Variants in EYS observed in about 807,000 individuals in gnomAD.
EYS encodes protein eyes shut homolog.
In EYS, 250 loss-of-function variants were observed where a neutral mutation model predicts 282.1. The ratio of observed to expected loss-of-function variants is 0.89; its 90% CI spans 0.80 to 0.98. The LOEUF (loss-of-function observed/expected upper bound fraction) is 0.98, where lower values mean the gene tolerates loss of function less well. Ranked by LOEUF, EYS falls within the 50% of genes least tolerant of loss-of-function variation. The probability of loss-of-function intolerance (pLI) is 0.00; values close to 1 mark genes in which losing one functional copy is unlikely to be tolerated. For missense variants in EYS, 4,016 were observed against 3,709.0 expected, an observed-to-expected ratio of 1.08 and a Z score of -2.15; for synonymous variants, 1,355 against 1,282.9, an observed-to-expected ratio of 1.06 and a Z score of -1.20.
chr6:65,679,069 C>T lies in EYS; in HGVS notation c.-448+28066G>A, dbSNP rs538054239. On this transcript the variant is annotated intron_variant, in intron 1 of 42. Transcript: ENST00000503581. ...TCCCCTCTTGGTGTTACTGTAAAATCGTGCTGGGGCTATAAGAAATAGTGT... is the reference window on the plus strand; with the variant it reads ...TCCCCTCTTGGTGTTACTGTAAAATTGTGCTGGGGCTATAAGAAATAGTGT... Among the ~76,000 whole-genome samples, 6 of 151,952 alleles carry T rather than the reference C, an allele frequency of 3.9e-5. No homozygotes were observed. In the South Asian group the frequency reaches 1.2e-3, roughly 32 times the overall value.
intron 12 of EYS, among the ~76,000 whole-genome samples, chr6:65,282,733 CAT>C (rs1242802432): frequency 6.6e-6 from 1 of 151,906 alleles, no homozygotes; most frequent in Non-Finnish European, 1.5e-5. Flanking sequence ...TCCATAAAGA[CAT>C]GTGCACATTT....
chr6:65,499,963 A>T (rs1362059565), intron 2 of EYS, among the ~76,000 whole-genome samples: 1 of 151,940 alleles, frequency 6.6e-6, no homozygotes, highest in African/African-American at 2.4e-5. Flanking sequence ...CATTTTAAAA[A>T]TGAGAAAACT....
At chr6:65,174,673 A>C (rs909295091) in intron 12 of EYS, among the ~76,000 whole-genome samples, 3 of 151,378 alleles carry the variant, frequency 2.0e-5, no homozygotes, top group Non-Finnish European at 4.4e-5. Context: ...AATAGCTGAC[A>C]TTCATGTTAG....
intron 31 of EYS, among the ~76,000 whole-genome samples, chr6:64,172,955 C>T (rs540618097): frequency 5.9e-5 from 9 of 152,226 alleles, no homozygotes; most frequent in East Asian, 1.9e-4. Flanking sequence ...TCCGCGAAAC[C>T]GGTCCCTGTT....
intron 22 of EYS, among the ~76,000 whole-genome samples, chr6:64,779,631 A>G (rs1044038843): frequency 9.9e-5 from 15 of 152,160 alleles, no homozygotes; most frequent in African/African-American, 3.1e-4. Context: ...AATGTAAAAC[A>G]TGGACTTTAG....
intron 33 of EYS, among the ~76,000 whole-genome samples, chr6:64,019,655 C>T (rs1050372720): frequency 6.6e-5 from 10 of 151,750 alleles, no homozygotes; most frequent in African/African-American, 1.7e-4. Context: ...GTGATCTGCC[C>T]GCCTCGGCCT....
chr6:64,057,962 G>A (rs1000234201), intron 33 of EYS, among the ~76,000 whole-genome samples: 2 of 152,064 alleles, frequency 1.3e-5, no homozygotes, highest in African/African-American at 4.8e-5. Context: ...CTCCAAAGCA[G>A]CTGAGATTAT....
Position 64,102,317 on chromosome 6 carries a change from A to AT in EYS, c.6425-20316dup, listed in dbSNP as rs528007378. Among the ~76,000 whole-genome samples, 456 of 152,324 alleles carry AT rather than the reference A, an allele frequency of 3.0e-3. 2 individuals are homozygous for AT. Among genetic ancestry groups the AT allele is most frequent in the Non-Finnish European group, 5.4e-3 (364 of 68,022 alleles). On this transcript the variant is annotated intron_variant, in intron 31 of 42. Transcript: ENST00000503581. ...ACACACTTAAGAAAAAGCTTAGAAG[A>AT]TTTTTTGAAGAGTAAATTTTTTAAA... is the stretch of plus-strand genomic sequence containing the variant.
At chr6:65,563,156 G>T (rs1769130036) in intron 2 of EYS, among the ~76,000 whole-genome samples, 1 of 152,048 alleles carries the variant, frequency 6.6e-6, no homozygotes, top group East Asian at 1.9e-4. Context: ...ACAAGCCCTG[G>T]CTTGTGAGAC....
intron 11 of EYS, 33 bp from the exon 12 acceptor site, chr6:65,296,152 T>C (rs1562078878): frequency 6.6e-7 from 1 of 1,507,774 alleles, no homozygotes; most frequent in Non-Finnish European, 8.9e-7. Flanking sequence ...ACCCAATTAG[T>C]CATATACTTT....
chr6:65,495,523 A>G lies in EYS; in HGVS notation c.-113T>C. 8.6e-7 allele frequency: 1 copy of G among 1,164,810 alleles called. No individual in the cohort carries two copies. The allele number at this position is 1,164,810 out of a possible 1,614,324, so 72.2% of individuals were successfully genotyped here. The stretch of plus-strand genomic sequence containing the variant: ...GTGGTTAAGGATTCCTGGGAATTGG[A>G]ATTGACCTTTTTTCTATACCCAAAG... On this transcript the variant is annotated 5_prime_UTR_variant, in exon 4 of 43. Coordinates refer to ENST00000503581, the MANE Select transcript of EYS (RefSeq NM_001142800.2).
rs575689521 is a variant in EYS, at chr6:64,215,583, TC to T, written c.6424+15008del. On this transcript the variant is annotated intron_variant, in intron 31 of 42. Transcript: ENST00000503581. Reference sequence around the variant, plus strand: ...GTAATTTCTATATTTTTTCATTTTTTCCCTAAATACCAAGGTATTTGCCAAA... The same window carrying T: ...GTAATTTCTATATTTTTTCATTTTTTCCTAAATACCAAGGTATTTGCCAAA... Among the ~76,000 whole-genome samples the T allele has an allele frequency of 3.6e-3, 551 of 152,230 alleles. 3 individuals carry two copies. Among genetic ancestry groups the T allele is most frequent in the African/African-American group, 0.012 (518 of 41,566 alleles).
At chr6:63,805,367 AG>A (rs1473054587) in intron 37 of EYS, among the ~76,000 whole-genome samples, 1 of 152,226 alleles carries the variant, frequency 6.6e-6, no homozygotes, top group Non-Finnish European at 1.5e-5. Flanking sequence ...TTACAGGCTG[AG>A]TACTTTCTTA....
chr6:64,702,298 G>A lies in EYS; in HGVS notation c.3444-76053C>T, dbSNP rs548944068. ...AGAGCCTACCAGTATCAATCATACA[G>A]CCTCAGTTTTCTAAGTTAAAAGACA... On this transcript the variant is annotated intron_variant, in intron 22 of 42. Transcript: ENST00000503581. 2.0e-5 allele frequency among the ~76,000 whole-genome samples: 3 copies of A among 152,100 alleles called. No homozygotes were observed. The South Asian group carries it at 6.2e-4, about 32-fold the overall frequency.
intron 26 of EYS, among the ~76,000 whole-genome samples, chr6:64,535,044 T>C (rs1764477504): frequency 6.6e-6 from 1 of 152,186 alleles, no homozygotes. Flanking sequence ...TTGTCTTAGT[T>C]TGAGATGCAG....
At position 63,937,380 on chromosome 6, in the gene EYS, T is replaced by C. The variant is rs1356333272; in HGVS notation, c.7055+47003A>G. ...TTTTTTTTTTTTTTTTTTTTTTTTTTTTTTTTTTTTTTTTTTTTGAGACGG... is the reference window on the plus strand; with the variant it reads ...TTTTTTTTTTTTTTTTTTTTTTTTTCTTTTTTTTTTTTTTTTTTGAGACGG... On this transcript the variant is annotated intron_variant, in intron 35 of 42. Transcript: ENST00000503581. 7.9e-3 allele frequency among the ~76,000 whole-genome samples: 637 copies of C among 80,488 alleles called. 39 individuals are homozygous for C. The highest frequency in any genetic ancestry group is 0.02 in the Middle Eastern group (4 of 200). 52.8% of individuals were successfully genotyped at this position (80,488 alleles called of 152,430 possible). A position where few individuals can be genotyped will look rare whatever the true frequency, so the allele number is the denominator to read the frequency against.
At chr6:64,120,772 T>A (rs1161872139) in intron 31 of EYS, among the ~76,000 whole-genome samples, 2 of 152,120 alleles carry the variant, frequency 1.3e-5, no homozygotes, top group Non-Finnish European at 2.9e-5. Flanking sequence ...AGTACATTAG[T>A]TTTCTGTTGC....
At chr6:64,893,197 C>T (rs1266112713) in intron 18 of EYS, among the ~76,000 whole-genome samples, 1 of 151,990 alleles carries the variant, frequency 6.6e-6, no homozygotes, top group East Asian at 1.9e-4. Context: ...ATGTAAATTC[C>T]AGTGTTCACT....
intron 33 of EYS, among the ~76,000 whole-genome samples, chr6:64,064,765 A>T (rs1771306978): frequency 6.6e-6 from 1 of 152,168 alleles, no homozygotes; most frequent in African/African-American, 2.4e-5. Flanking sequence ...TTCATGTATA[A>T]CTGAAAGTAC....
Sources: gnomAD v4.1 joint callset for allele counts (sites outside exome capture counted in the v4.1 genomes callset) on GRCh38, gnomAD v4.1.1 for gene constraint, MANE v1.5 for transcripts, NCBI Gene and HGNC (gene_info 2026-07-23, HGNC 2026-07-21) for gene names.